The following POLR2M variants were observed in gnomAD, a reference collection of about 807,000 sequenced individuals.
POLR2M encodes protein GRINL1A.
POLR2M carries 30 observed loss-of-function variants against 34.6 expected under a neutral mutation model. That is an observed-to-expected ratio of 0.87 (90% CI 0.65 to 1.18). The LOEUF (loss-of-function observed/expected upper bound fraction) is 1.18. Ranked by LOEUF, POLR2M falls within the 50% of genes most tolerant of loss-of-function variation. The pLI is 0.00. For missense variants in POLR2M, 432 were observed against 448.7 expected (o/e 0.96, Z 0.34); for synonymous variants, 150 against 166.7 (o/e 0.90, Z 0.77).
intron 1 of POLR2M, among the ~76,000 whole-genome samples, chr15:57,707,917 CAG>C (rs2040556332): frequency 1.3e-5 from 2 of 152,264 alleles, no homozygotes; most frequent in Admixed American, 1.3e-4. Context: ...TCAAAAAGAA[CAG>C]AGGACTTAAG....
At chr15:57,708,223 A>G (rs1323816535) in intron 1 of POLR2M, among the ~76,000 whole-genome samples, 1 of 152,272 alleles carries the variant, frequency 6.6e-6, no homozygotes, top group Non-Finnish European at 1.5e-5. Flanking sequence ...AGCATACACA[A>G]GCACACATTC....
At position 57,716,581 on chromosome 15, in the gene POLR2M, T is replaced by C. The variant is rs1338125816; in HGVS notation, c.*1902T>C. 6.6e-6 allele frequency: 1 copy of C among 152,296 alleles called. No individual in the cohort carries two copies. The highest frequency in any genetic ancestry group is 1.5e-5 in the Non-Finnish European group (1 of 68,046). 9.4% of individuals were successfully genotyped at this position (152,296 alleles called of 1,614,324 possible). A position where few individuals can be genotyped will look rare whatever the true frequency, so the allele number is the denominator to read the frequency against. Reference sequence around the variant, plus strand: ...TGAATAATTACAGAAAAGGGCTACATTTAAAATTTGTATTTGTTTTTCTTA... The same window carrying C: ...TGAATAATTACAGAAAAGGGCTACACTTAAAATTTGTATTTGTTTTTCTTA... On this transcript the variant is annotated 3_prime_UTR_variant, in exon 4 of 4. Transcript: ENST00000299638.
At position 57,708,836 on chromosome 15, in the gene POLR2M, G is replaced by C. The variant is rs757506257; in HGVS notation, c.236G>C (p.Ser79Thr). 3 of 1,614,008 alleles carry C rather than the reference G, an allele frequency of 1.9e-6. No individual in the cohort carries two copies. The highest frequency in any genetic ancestry group is 4.5e-5 in the East Asian group (2 of 44,882). ...AAAAGTGAACTGTTTAACCCTGTTA[G>C]TTTAGACTGTAAGCTAAGGCAAAAA... is the stretch of plus-strand genomic sequence containing the variant. ...RRKSELFNPVSLDCKLRQKAI... is the reference protein window; with the variant it reads ...RRKSELFNPVTLDCKLRQKAI... Residue 79 changes from serine (S) to threonine (T), a missense_variant, in exon 2 of 4, where the codon AGT (serine) becomes ACT (threonine). Ser to Thr is a moderately conservative substitution (Grantham distance 58, BLOSUM62 1). Coordinates refer to ENST00000299638, the MANE Select transcript of POLR2M (RefSeq NM_015532.5).
intron 1 of POLR2M, 152 bp from the exon 2 acceptor site, chr15:57,708,562 T>G: frequency 1.4e-6 from 1 of 713,422 alleles, no homozygotes; most frequent in Non-Finnish European, 2.2e-6. Flanking sequence ...CCATTTTAAT[T>G]GTTTTATTCT....
intron 3 of POLR2M, among the ~76,000 whole-genome samples, chr15:57,713,672 T>TC (rs1318983024): frequency 1.3e-5 from 2 of 152,110 alleles, no homozygotes; most frequent in African/African-American, 4.8e-5. Context: ...CTGTAGGACT[T>TC]TATTTGGAGA....
intron 3 of POLR2M, 65 bp downstream of exon 3, chr15:57,712,253 C>T: frequency 6.4e-7 from 1 of 1,573,906 alleles, no homozygotes; most frequent in Non-Finnish European, 8.7e-7. Flanking sequence ...AGAATTTACT[C>T]CAGGTTCAAG....
At chr15:57,714,503 G>A (rs188421975) in intron 3 of POLR2M, 33 bp from the exon 4 acceptor site, 48 of 1,609,942 alleles carry the variant, frequency 3.0e-5, no homozygotes, top group Admixed American at 1.5e-4. Context: ...AGATGTGAAC[G>A]TGTAACTTTG....
At position 57,711,875 on chromosome 15, in the gene POLR2M, C is replaced by T. The variant is rs541252274; in HGVS notation, c.759-109C>T. 7.6e-5 allele frequency: 98 copies of T among 1,293,344 alleles called. No homozygotes were observed. The South Asian group carries it at 1.3e-3, about 17-fold the overall frequency. The allele number at this position is 1,293,344 out of a possible 1,614,324, so 80.1% of individuals were successfully genotyped here. A position where few individuals can be genotyped will look rare whatever the true frequency, so the allele number is the denominator to read the frequency against. ...AATACTGGTAAATTACTTACTGTTA[C>T]CTTTGGAGGAGAATTAATTGCTAAG... On this transcript the variant is annotated intron_variant, in intron 2 of 3. Transcript: ENST00000299638.
chr15:57,710,400 C>A (rs1362710387), intron 2 of POLR2M, among the ~76,000 whole-genome samples: 2 of 152,248 alleles, frequency 1.3e-5, no homozygotes, highest in Admixed American at 1.3e-4. Flanking sequence ...TAAATCACTA[C>A]TACCTTTCTT....
chr15:57,709,437 G>A, intron 2 of POLR2M, 79 bp downstream of exon 2: 15 of 1,508,974 alleles, frequency 9.9e-6, no homozygotes, highest in Non-Finnish European at 1.3e-5. Flanking sequence ...ACTGGGTGTG[G>A]TGGTGCTTGC....
intron 1 of POLR2M, 69 bp downstream of exon 1, chr15:57,707,024 C>G (rs974493501): frequency 1.3e-6 from 2 of 1,551,860 alleles, no homozygotes; most frequent in East Asian, 2.4e-5. Context: ...CTCCCCTCCC[C>G]TCCCGCACTC....
At chr15:57,707,164 C>A in intron 1 of POLR2M, 1 of 1,505,696 alleles carries the variant, frequency 6.6e-7, no homozygotes, top group Non-Finnish European at 8.9e-7. Context: ...GCGAGGATAG[C>A]TCGGATTGAA....
chr15:57,710,920 C>T (rs79746129), intron 2 of POLR2M, among the ~76,000 whole-genome samples: 19 of 152,114 alleles, frequency 1.2e-4, no homozygotes, highest in Admixed American at 1.2e-3. Flanking sequence ...GCTCTTCCTT[C>T]TGCATACTCT....
At chr15:57,708,574 G>T in intron 1 of POLR2M, 140 bp from the exon 2 acceptor site, 2 of 776,746 alleles carry the variant, frequency 2.6e-6, no homozygotes, top group Non-Finnish European at 4.0e-6. Context: ...TTTTATTCTT[G>T]TTTTGGGGCA....
In POLR2M at chr15:57,715,125, TA is replaced by T. The variant is rs1232803711; in HGVS notation, c.*449del. 6.1e-6 allele frequency: 1 copy of T among 165,076 alleles called. No homozygotes were observed. Among genetic ancestry groups the T allele is most frequent in the Non-Finnish European group, 1.3e-5 (1 of 77,184 alleles). The allele number at this position is 165,076 out of a possible 1,614,324, so 10.2% of individuals were successfully genotyped here. On this transcript the variant is annotated 3_prime_UTR_variant, in exon 4 of 4. Coordinates refer to ENST00000299638, the MANE Select transcript of POLR2M (RefSeq NM_015532.5). ...TTTTTGGGTAATGAAGGGAGCAGTC[TA>T]AAGAATTGTATGCATGTTTGCATGG... is the stretch of plus-strand genomic sequence containing the variant.
rs2040912983 is a variant in POLR2M, at chr15:57,715,645, T to C, written c.*966T>C. The C allele has an allele frequency of 7.1e-6, 1 of 140,202 alleles. No individual in the cohort carries two copies. The highest frequency in any genetic ancestry group is 7.2e-5 in the Admixed American group (1 of 13,868). The allele number at this position is 140,202 out of a possible 1,614,324, so 8.7% of individuals were successfully genotyped here. A position where few individuals can be genotyped will look rare whatever the true frequency, so the allele number is the denominator to read the frequency against. On this transcript the variant is annotated 3_prime_UTR_variant, in exon 4 of 4. Transcript: ENST00000299638. ...ACTTTTTTCCCCCCAAATAGGTATA[T>C]ATAGACTGCAGAAGCTTCAGTCCCA...
rs1256199731 is a variant in POLR2M, at chr15:57,707,080, C to T, written c.113+125C>T. 10 of 1,551,256 alleles carry T rather than the reference C, an allele frequency of 6.4e-6. No individual in the cohort carries two copies. The African/African-American group carries it at 1.1e-4, about 17-fold the overall frequency. On this transcript the variant is annotated intron_variant, in intron 1 of 3. Coordinates refer to ENST00000299638, the MANE Select transcript of POLR2M (RefSeq NM_015532.5). ...GACTTTGACTCAGTCACATTCGCTT[C>T]AGTCCTACGGGCGAGTGGACGGAGG...
chr15:57,709,643 G>A (rs2040632903), intron 2 of POLR2M, among the ~76,000 whole-genome samples: 2 of 152,170 alleles, frequency 1.3e-5, no homozygotes, highest in South Asian at 4.1e-4. Flanking sequence ...GACCAGCCTG[G>A]CCGGAGTAGA....
rs566725543 is a variant in POLR2M, at chr15:57,713,440, T to C, written c.964-1096T>C. Among the ~76,000 whole-genome samples, 85 of 150,174 alleles carry C rather than the reference T, an allele frequency of 5.7e-4. 1 individual carries two copies. The highest frequency in any genetic ancestry group is 6.9e-3 in the Middle Eastern group (2 of 290). ...CCTTCATCTTTAAATTGTTTTTTTT[T>C]AGCAGAGAAGTTGTAGTGGTAATAG... On this transcript the variant is annotated intron_variant, in intron 3 of 3. Coordinates refer to ENST00000299638, the MANE Select transcript of POLR2M (RefSeq NM_015532.5).
Sources: allele counts gnomAD v4.1 joint callset (sites outside exome capture counted in the v4.1 genomes callset), GRCh38; gene constraint gnomAD v4.1.1; transcripts MANE v1.5; gene names NCBI Gene and HGNC (gene_info 2026-07-23, HGNC 2026-07-21).